The following WDR12 variants were observed in gnomAD, a reference collection of about 807,000 sequenced individuals.
WDR12 encodes the protein WD repeat domain 12.
WDR12 carries 42 observed loss-of-function variants against 64.3 expected under a neutral mutation model. The ratio of observed to expected loss-of-function variants is 0.65; its 90% CI spans 0.51 to 0.84. WDR12 has a LOEUF of 0.84. Among genes scored for constraint, WDR12 ranks in the 40% least tolerant of loss-of-function variants. The probability of loss-of-function intolerance (pLI) is 0.00; values close to 1 mark genes in which losing one functional copy is unlikely to be tolerated. For missense variants in WDR12, 469 were observed against 494.6 expected, an observed-to-expected ratio of 0.95 and a Z score of 0.49; for synonymous variants, 158 against 173.3, an observed-to-expected ratio of 0.91 and a Z score of 0.70.
chr2:202,908,756 G>A (rs1309481297), intron 1 of WDR12, among the ~76,000 whole-genome samples: 1 of 152,154 alleles, frequency 6.6e-6, no homozygotes, highest in African/African-American at 2.4e-5. Flanking sequence ...GCTGCACAAT[G>A]GGCACTGAAA....
intron 1 of WDR12, 66 bp downstream of exon 1, chr2:202,911,367 AAGG>A: frequency 2.7e-6 from 4 of 1,491,712 alleles, no homozygotes; most frequent in Non-Finnish European, 3.7e-6. Flanking sequence ...AGGGATCCAC[AAGG>A]TCATACCAAA....
At chr2:202,891,591 A>C (rs2105906220) in intron 8 of WDR12, among the ~76,000 whole-genome samples, 1 of 152,330 alleles carries the variant, frequency 6.6e-6, no homozygotes, top group South Asian at 2.1e-4. Context: ...AGTAAGCGCT[A>C]ATATTACATT....
chr2:202,900,565 A>T (rs916995282), intron 3 of WDR12, among the ~76,000 whole-genome samples: 3 of 152,186 alleles, frequency 2.0e-5, no homozygotes, highest in African/African-American at 7.2e-5. Flanking sequence ...CAAAACAAGC[A>T]ACAATTATAA....
chr2:202,890,423 A>G (rs1170959113), intron 8 of WDR12, among the ~76,000 whole-genome samples: 2 of 152,184 alleles, frequency 1.3e-5, no homozygotes, highest in South Asian at 2.1e-4. Flanking sequence ...GGGTACTGGT[A>G]TATCTATATT....
chr2:202,894,728 T>C, intron 6 of WDR12, 102 bp from the exon 7 acceptor site: 1 of 947,554 alleles, frequency 1.1e-6, no homozygotes. Flanking sequence ...TTCAAAGAAC[T>C]TGTGTTCCAC....
rs764678727 is a variant in WDR12, at chr2:202,882,797, A to T, written c.1122-14T>A. Reference sequence around the variant, plus strand: ...GGAGCCTTACAACTAAAAGATGAAAATATTAACATATTATATGCATTCACA... The same window carrying T: ...GGAGCCTTACAACTAAAAGATGAAATTATTAACATATTATATGCATTCACA... On this transcript the variant is annotated splice_polypyrimidine_tract_variant and intron_variant, in intron 11 of 12. Transcript: ENST00000261015. 1 of 1,608,780 alleles carries T rather than the reference A, an allele frequency of 6.2e-7. No individual in the cohort carries two copies. The highest frequency in any genetic ancestry group is 8.5e-7 in the Non-Finnish European group (1 of 1,175,238).
chr2:202,875,565 T>A lies in WDR12; in HGVS notation c.*5295A>T, dbSNP rs1687844876. The A allele has an allele frequency of 6.6e-6, 1 of 152,110 alleles. No individual in the cohort carries two copies. Among genetic ancestry groups the A allele is most frequent in the Non-Finnish European group, 1.5e-5 (1 of 68,040 alleles). The allele number at this position is 152,110 out of a possible 1,614,324, so 9.4% of individuals were successfully genotyped here. A position where few individuals can be genotyped will look rare whatever the true frequency, so the allele number is the denominator to read the frequency against. On this transcript the variant is annotated 3_prime_UTR_variant, in exon 13 of 13. Coordinates refer to ENST00000261015, the MANE Select transcript of WDR12 (RefSeq NM_018256.4). ...CACTATGACTGGCTAATTTTGTATT[T>A]TTAGTAGAGACGGGGTTTCTCCATG...
At chr2:202,890,770 CAAAAAA>C (rs35649140) in intron 8 of WDR12, among the ~76,000 whole-genome samples, 1 of 121,096 alleles carries the variant, frequency 8.3e-6, no homozygotes, top group African/African-American at 3.0e-5. Context: ...GACTCCGTCT[CAAAAAA>C]AAAAAAAAAA....
chr2:202,901,182 A>G (rs774696631), intron 2 of WDR12, 63 bp from the exon 3 acceptor site: 4 of 1,287,756 alleles, frequency 3.1e-6, no homozygotes, highest in Non-Finnish European at 3.2e-6. Context: ...GCAGAGGTAT[A>G]TGAGAACTCC....
chr2:202,896,918 T>G (rs899759735), intron 5 of WDR12, among the ~76,000 whole-genome samples: 1 of 151,954 alleles, frequency 6.6e-6, no homozygotes, highest in Admixed American at 6.6e-5. Flanking sequence ...ACCTGGGAAG[T>G]GGATGTTGCA....
rs1437947175 is a variant in WDR12, at chr2:202,876,005, A to G, written c.*4855T>C. 1 of 152,204 alleles carries G rather than the reference A, an allele frequency of 6.6e-6. No homozygotes were observed. The highest frequency in any genetic ancestry group is 1.5e-5 in the Non-Finnish European group (1 of 68,040). 9.4% of individuals were successfully genotyped at this position (152,204 alleles called of 1,614,324 possible). A position where few individuals can be genotyped will look rare whatever the true frequency, so the allele number is the denominator to read the frequency against. On this transcript the variant is annotated 3_prime_UTR_variant, in exon 13 of 13. Coordinates refer to ENST00000261015, the MANE Select transcript of WDR12 (RefSeq NM_018256.4). ...ATAATTTACTTCCTCAAATCTGCAA[A>G]TCATTGGAACTGCTATTAGAACAAC...
chr2:202,887,678 G>C (rs1013438354), intron 8 of WDR12, among the ~76,000 whole-genome samples: 4 of 151,032 alleles, frequency 2.6e-5, no homozygotes, highest in South Asian at 2.1e-4. Context: ...CATGAGGTCA[G>C]GAGATCGAGA....
chr2:202,885,600 T>C (rs1191972336), intron 8 of WDR12, among the ~76,000 whole-genome samples: 1 of 152,254 alleles, frequency 6.6e-6, no homozygotes, highest in African/African-American at 2.4e-5. Context: ...TAAGTTATTC[T>C]TACCACCTCA....
At chr2:202,897,580 T>C (rs1444179558) in intron 4 of WDR12, among the ~76,000 whole-genome samples, 165 bp from the exon 5 acceptor site, 1 of 146,294 alleles carries the variant, frequency 6.8e-6, no homozygotes, top group Non-Finnish European at 1.5e-5. Flanking sequence ...TTGACGTTTC[T>C]CAACCTCCTA....
In WDR12 at chr2:202,897,412, G is replaced by A. The variant is rs560753733; in HGVS notation, c.342C>T (p.Ile114=). The change falls in exon 5 of 13, where the codon ATC becomes ATT. Residue 114 remains isoleucine (I), a synonymous_variant. Coordinates refer to ENST00000261015, the MANE Select transcript of WDR12 (RefSeq NM_018256.4). Reference sequence around the variant, plus strand: ...AAGTCTTATCATAAGAACCAGTCAAGATCCTATGAGAAAAAAAAATCTTAT... The same window carrying A: ...AAGTCTTATCATAAGAACCAGTCAAAATCCTATGAGAAAAAAAAATCTTAT... ...ISSIKGAEEW[I]LTGSYDKTSR... is the part of the protein sequence containing the mutation. The A allele has an allele frequency of 1.2e-5, 18 of 1,513,316 alleles. No homozygotes were observed. In the South Asian group the frequency reaches 1.3e-4, roughly 11 times the overall value. The allele number at this position is 1,513,316 out of a possible 1,614,324, so 93.7% of individuals were successfully genotyped here.
intron 8 of WDR12, among the ~76,000 whole-genome samples, chr2:202,889,123 T>C (rs1688101946): frequency 6.6e-6 from 1 of 152,152 alleles, no homozygotes; most frequent in Non-Finnish European, 1.5e-5. Context: ...AAAAGCTAAA[T>C]GATTTCTCAG....
rs1688269088 is a variant in WDR12 at position 202,897,507 on chromosome 2, T to C, written c.339-92A>G. On this transcript the variant is annotated intron_variant, in intron 4 of 12. Transcript: ENST00000261015. The stretch of plus-strand genomic sequence containing the variant: ...GCAATGACAAAGTAACTTTGAGGAT[T>C]ATACTTTTAAACTCTTTTTTGATAT... The C allele has an allele frequency of 6.4e-6, 4 of 627,686 alleles. No individual in the cohort carries two copies. The South Asian group carries it at 1.0e-4, about 16-fold the overall frequency. 38.9% of individuals were successfully genotyped at this position (627,686 alleles called of 1,614,324 possible). A position where few individuals can be genotyped will look rare whatever the true frequency, so the allele number is the denominator to read the frequency against.
chr2:202,882,085 C>T (rs986714823), intron 12 of WDR12, among the ~76,000 whole-genome samples: 1 of 151,838 alleles, frequency 6.6e-6, no homozygotes, highest in Non-Finnish European at 1.5e-5. Context: ...GTCACACCAC[C>T]ATGGATAACT....
At position 202,874,346 on chromosome 2, in the gene WDR12, G is replaced by A. The variant is rs956757942; in HGVS notation, c.*6514C>T. On this transcript the variant is annotated 3_prime_UTR_variant, in exon 13 of 13. Coordinates refer to ENST00000261015, the MANE Select transcript of WDR12 (RefSeq NM_018256.4). ...TCAACATATAATACACTTATACTAA[G>A]GGGAAAAAAGGGGTTTTCCTCCATT... Among the ~76,000 whole-genome samples, 65 of 151,904 alleles carry A rather than the reference G, an allele frequency of 4.3e-4. No homozygotes were observed. Among genetic ancestry groups the A allele is most frequent in the Non-Finnish European group, 9.0e-4 (61 of 67,924 alleles).
Sources: gnomAD v4.1 joint callset for allele counts (sites outside exome capture counted in the v4.1 genomes callset) on GRCh38, gnomAD v4.1.1 for gene constraint, MANE v1.5 for transcripts, NCBI Gene and HGNC (gene_info 2026-07-23, HGNC 2026-07-21) for gene names.